The following DZANK1 variants were observed in gnomAD, a reference collection of about 807,000 sequenced individuals.
The protein encoded by DZANK1 is double zinc ribbon and ankyrin repeat-containing protein 1.
Under a neutral mutation model 94.5 loss-of-function variants are expected in DZANK1, and 91 were observed. That is an observed-to-expected ratio of 0.96 (90% CI 0.81 to 1.15). DZANK1 has a LOEUF of 1.15. DZANK1 is among the 50% of genes most tolerant of loss of function. DZANK1 has a pLI of 0.00. For synonymous variants in DZANK1, 312 were observed against 325.3 expected (o/e 0.96, Z 0.44); for missense variants, 903 against 916.4 (o/e 0.99, Z 0.19).
chr20:18,408,319 A>C (rs1032684522), intron 13 of DZANK1, among the ~76,000 whole-genome samples: 26 of 152,250 alleles, frequency 1.7e-4, no homozygotes, highest in South Asian at 6.2e-4. Flanking sequence ...CCGTCTCAAA[A>C]AAACAAACAA....
At chr20:18,432,770 A>G (rs2058334398) in intron 9 of DZANK1, 1 of 152,128 alleles carries the variant, frequency 6.6e-6, no homozygotes, top group Non-Finnish European at 1.5e-5. Context: ...TCCTCTAGTG[A>G]CCTTTACTTG....
intron 2 of DZANK1, among the ~76,000 whole-genome samples, chr20:18,463,896 T>A (rs1248743870): frequency 6.6e-6 from 1 of 152,186 alleles, no homozygotes; most frequent in Non-Finnish European, 1.5e-5. Context: ...AATTGGAATT[T>A]CAAAGTCTTT....
intron 10 of DZANK1, among the ~76,000 whole-genome samples, chr20:18,426,794 C>G (rs112775541): frequency 2.0e-5 from 3 of 152,184 alleles, no homozygotes; most frequent in African/African-American, 7.2e-5. Flanking sequence ...AGTTCACTTC[C>G]CCACAGGCTA....
intron 12 of DZANK1, chr20:18,413,124 C>T (rs2057335441): frequency 3.9e-6 from 2 of 512,016 alleles, no homozygotes; most frequent in East Asian, 3.2e-5. Context: ...AGATATCTAT[C>T]CTTTTCAGCT....
intron 16 of DZANK1, among the ~76,000 whole-genome samples, 186 bp from the exon 17 acceptor site, chr20:18,393,997 G>C (rs1204219512): frequency 6.6e-6 from 1 of 152,152 alleles, no homozygotes; most frequent in African/African-American, 2.4e-5. Context: ...CCAGAGGAAG[G>C]GTGGGAAGGA....
At chr20:18,407,313 C>T (rs768897631) in intron 13 of DZANK1, among the ~76,000 whole-genome samples, 41 of 152,344 alleles carry the variant, frequency 2.7e-4, no homozygotes, top group Non-Finnish European at 5.0e-4. Flanking sequence ...AGAATCTCTT[C>T]CTGGTAGTCC....
At chr20:18,389,867 C>G (rs774074754) in intron 18 of DZANK1, 39 bp from the exon 19 acceptor site, 19 of 1,610,694 alleles carry the variant, frequency 1.2e-5, no homozygotes, top group Non-Finnish European at 1.4e-5. Context: ...CCAAAACACC[C>G]TGCACTCAAC....
intron 4 of DZANK1, chr20:18,454,076 C>G (rs1400753382): frequency 1.8e-6 from 1 of 568,638 alleles, no homozygotes; most frequent in Admixed American, 2.2e-5. Context: ...AGGCAGGGAG[C>G]AGCACATGCA....
intron 9 of DZANK1, chr20:18,432,969 T>A (rs1252775543): frequency 3.3e-5 from 5 of 152,218 alleles, no homozygotes; most frequent in African/African-American, 1.2e-4. Flanking sequence ...TTTTTCTCCA[T>A]AACAAGAACC....
chr20:18,463,390 T>G (rs2059539203), intron 2 of DZANK1, among the ~76,000 whole-genome samples: 1 of 152,130 alleles, frequency 6.6e-6, no homozygotes, highest in Non-Finnish European at 1.5e-5. Flanking sequence ...CCTACAGCAA[T>G]GCTTGCTACC....
At chr20:18,448,865 TCAA>T (rs869167945) in intron 7 of DZANK1, 116 bp downstream of exon 7, 1 of 650,310 alleles carries the variant, frequency 1.5e-6, no homozygotes, top group African/African-American at 2.1e-5. Flanking sequence ...AGACTCCGTC[TCAA>T]AAAAAAAAAA....
At chr20:18,407,432 A>T in intron 13 of DZANK1, among the ~76,000 whole-genome samples, 1 of 152,338 alleles carries the variant, frequency 6.6e-6, no homozygotes, top group East Asian at 1.9e-4. Context: ...AATACCTGGA[A>T]ACCCTTCCCA....
intron 13 of DZANK1, among the ~76,000 whole-genome samples, chr20:18,411,572 T>A (rs980911956): frequency 6.6e-6 from 1 of 152,110 alleles, no homozygotes; most frequent in Non-Finnish European, 1.5e-5. Context: ...CAATTCTTCA[T>A]AACCACTTCA....
At chr20:18,412,842 G>A (rs1299635961) in intron 12 of DZANK1, 1 of 1,613,802 alleles carries the variant, frequency 6.2e-7, no homozygotes, top group Admixed American at 1.7e-5. Flanking sequence ...GGGACTGCCA[G>A]GCACATCGGG....
chr20:18,395,544 C>A (rs1241435293), intron 15 of DZANK1, among the ~76,000 whole-genome samples: 1 of 152,178 alleles, frequency 6.6e-6, no homozygotes, highest in Non-Finnish European at 1.5e-5. Context: ...TGCTGGACCT[C>A]CTTCCCCAGC....
At position 18,425,827 on chromosome 20, in the gene DZANK1, G is replaced by A. The variant is rs141314662; in HGVS notation, c.954+1240C>T. Reference sequence around the variant, plus strand: ...AGAGCTCCACGGGATGGCAAAGGCAGAGACTGGAGTGCTGCATCTAGAAGC... The same window carrying A: ...AGAGCTCCACGGGATGGCAAAGGCAAAGACTGGAGTGCTGCATCTAGAAGC... On this transcript the variant is annotated intron_variant, in intron 10 of 20. Coordinates refer to ENST00000262547, the Ensembl canonical transcript of DZANK1. Among the ~76,000 whole-genome samples, 529 of 152,322 alleles carry A rather than the reference G, an allele frequency of 3.5e-3. 3 individuals are homozygous for A. Among genetic ancestry groups the A allele is most frequent in the African/African-American group, 5.2e-3 (218 of 41,578 alleles).
intron 19 of DZANK1, among the ~76,000 whole-genome samples, chr20:18,385,356 T>C (rs2048419189): frequency 6.6e-6 from 1 of 152,038 alleles, no homozygotes. Context: ...GTTGATTTAA[T>C]AAATGCTAAT....
rs117284453 is a variant in DZANK1, at chr20:18,384,054, T to C, written c.*345A>G. On this transcript the variant is annotated 3_prime_UTR_variant, in exon 21 of 21. Transcript: ENST00000262547. ...GACATGATTAAAGAATAGCCAGAGC[T>C]GCACATATTCTTTTTTTTTTTTGAG... 901 of 181,890 alleles carry C rather than the reference T, an allele frequency of 5.0e-3. 1 individual carries two copies. Among genetic ancestry groups the C allele is most frequent in the Admixed American group, 7.2e-3 (130 of 18,086 alleles). The allele number at this position is 181,890 out of a possible 1,614,324, so 11.3% of individuals were successfully genotyped here.
At chr20:18,459,702 C>G (rs1013688330) in intron 3 of DZANK1, among the ~76,000 whole-genome samples, 1 of 152,018 alleles carries the variant, frequency 6.6e-6, no homozygotes, top group African/African-American at 2.4e-5. Context: ...TAATGTCCAA[C>G]AAGTTGAAAT....
Sources: allele counts gnomAD v4.1 joint callset (sites outside exome capture counted in the v4.1 genomes callset), GRCh38; gene constraint gnomAD v4.1.1; transcripts MANE v1.5; gene names NCBI Gene and HGNC (gene_info 2026-07-23, HGNC 2026-07-21).